Variants in ZNF774 observed in about 807,000 individuals in gnomAD.
The protein encoded by ZNF774 is zinc finger protein 774.
In ZNF774, 14 loss-of-function variants were observed where a neutral mutation model predicts 11.1. The observed-to-expected ratio is 1.26, with a 90% CI of 0.83 to 1.97. ZNF774 has a LOEUF of 1.97. Ranked by LOEUF, ZNF774 falls within the 30% of genes most tolerant of loss-of-function variation. ZNF774 has a pLI of 0.00. For missense variants in ZNF774, 599 were observed against 587.0 expected (o/e 1.02, Z -0.21); for synonymous variants, 195 against 212.6 (o/e 0.92, Z 0.72).
chr15:90,361,613 AC>A lies in ZNF774; in HGVS notation c.*332del. 1.2e-6 allele frequency: 1 copy of A among 825,092 alleles called. No homozygotes were observed. The allele number at this position is 825,092 out of a possible 1,614,324, so 51.1% of individuals were successfully genotyped here. A position where few individuals can be genotyped will look rare whatever the true frequency, so the allele number is the denominator to read the frequency against. On this transcript the variant is annotated 3_prime_UTR_variant, in exon 4 of 4. Transcript: ENST00000354377. ...GGATCACTTGAGGTCAGGAGTTGAG[AC>A]CAGCCTGGTGAGCATGGTGAAACCT...
At chr15:90,353,108 C>T (rs1671530961) in intron 1 of ZNF774, among the ~76,000 whole-genome samples, 1 of 152,096 alleles carries the variant, frequency 6.6e-6, no homozygotes, top group African/African-American at 2.4e-5. Context: ...GTTGGGATTA[C>T]AGGCGTGTGC....
In ZNF774 at chr15:90,360,623, G is replaced by C; in HGVS notation, c.792G>C (p.Ala264=). 1.2e-6 allele frequency: 2 copies of C among 1,614,122 alleles called. No homozygotes were observed. The highest frequency in any genetic ancestry group is 1.7e-6 in the Non-Finnish European group (2 of 1,180,030). The part of the protein sequence containing the change: ...QRTHTGEKPY[A]CLECHKSFSR... Reference sequence around the variant, plus strand: ...CCCACACAGGCGAGAAGCCCTACGCGTGCCTGGAATGTCACAAAAGCTTCA... The same window carrying C: ...CCCACACAGGCGAGAAGCCCTACGCCTGCCTGGAATGTCACAAAAGCTTCA... The change falls in exon 4 of 4, where the codon GCG becomes GCC. Residue 264 remains alanine (A), a synonymous_variant. Coordinates refer to ENST00000354377, the MANE Select transcript of ZNF774 (RefSeq NM_001004309.3).
chr15:90,353,810 G>C (rs938191037), intron 1 of ZNF774, among the ~76,000 whole-genome samples: 4 of 152,002 alleles, frequency 2.6e-5, no homozygotes, highest in African/African-American at 9.7e-5. Flanking sequence ...TGTTGCTGAG[G>C]CTGGTTTATT....
Position 90,362,249 on chromosome 15 carries a change from G to A in ZNF774, c.*966G>A, listed in dbSNP as rs151028963. 1.1e-4 allele frequency: 35 copies of A among 323,318 alleles called. No individual in the cohort carries two copies. Among genetic ancestry groups the A allele is most frequent in the African/African-American group, 6.4e-4 (31 of 48,330 alleles). 20.0% of individuals were successfully genotyped at this position (323,318 alleles called of 1,614,324 possible). A position where few individuals can be genotyped will look rare whatever the true frequency, so the allele number is the denominator to read the frequency against. On this transcript the variant is annotated 3_prime_UTR_variant, in exon 4 of 4. Coordinates refer to ENST00000354377, the MANE Select transcript of ZNF774 (RefSeq NM_001004309.3). ...CCAAATTATCGTAGAGGATGTTTGC[G>A]GTCTTGTGACTTGGAGGCTGAAAGA...
At chr15:90,356,510 A>G (rs141986940) in intron 2 of ZNF774, among the ~76,000 whole-genome samples, 111 of 152,290 alleles carry the variant, frequency 7.3e-4, no homozygotes, top group African/African-American at 2.6e-3. Flanking sequence ...TTCATCTATT[A>G]TACAAGTAAT....
intron 2 of ZNF774, among the ~76,000 whole-genome samples, chr15:90,357,867 C>T (rs1449845195): frequency 6.6e-6 from 1 of 151,842 alleles, no homozygotes; most frequent in East Asian, 1.9e-4. Flanking sequence ...AGCTACTGCA[C>T]CTGGCCAATG....
chr15:90,361,092 C>T lies in ZNF774; in HGVS notation c.1261C>T (p.His421Tyr). ...SFNQSSHFIT[H>Y]QRIHLGDRPY... ...CAATCAGAGCTCCCACTTTATTACC[C>T]ATCAGCGAATCCACTTAGGAGACAG... The change falls in exon 4 of 4, where the codon CAT becomes TAT. Residue 421 changes from histidine to tyrosine, a missense_variant. Physicochemically the swap from His to Tyr is moderately conservative, Grantham distance 83. Transcript: ENST00000354377. 6.2e-7 allele frequency: 1 copy of T among 1,614,170 alleles called. No homozygotes were observed. Among genetic ancestry groups the T allele is most frequent in the East Asian group, 2.2e-5 (1 of 44,886 alleles).
At position 90,360,578 on chromosome 15, in the gene ZNF774, C is replaced by A; in HGVS notation, c.747C>A (p.His249Gln). The change falls in exon 4 of 4, where the codon CAC becomes CAA. Residue 249 changes from histidine to glutamine, a missense_variant. His to Gln is a conservative substitution (Grantham distance 24). Coordinates refer to ENST00000354377, the MANE Select transcript of ZNF774 (RefSeq NM_001004309.3). ...GAAAGACTTTTGGGCGGAAGCCACA[C>A]CTCATAATGCACCAAAGAACCCACA... Reference protein sequence around the residue: ...ECGKTFGRKPHLIMHQRTHTG... With the variant: ...ECGKTFGRKPQLIMHQRTHTG... The A allele has an allele frequency of 6.2e-7, 1 of 1,612,634 alleles. No homozygotes were observed. The highest frequency in any genetic ancestry group is 8.5e-7 in the Non-Finnish European group (1 of 1,179,650).
chr15:90,360,583 T>C lies in ZNF774; in HGVS notation c.752T>C (p.Ile251Thr). Residue 251 changes from isoleucine (I) to threonine (T), a missense_variant, in exon 4 of 4, where the codon ATA becomes ACA. Ile to Thr is a moderately conservative substitution (Grantham distance 89). Transcript: ENST00000354377. ...GKTFGRKPHL[I>T]MHQRTHTGEK... is the part of the protein sequence containing the mutation. ...ACTTTTGGGCGGAAGCCACACCTCA[T>C]AATGCACCAAAGAACCCACACAGGC... The C allele has an allele frequency of 6.2e-7, 1 of 1,614,074 alleles. No homozygotes were observed. The highest frequency in any genetic ancestry group is 1.1e-5 in the South Asian group (1 of 91,080).
chr15:90,357,168 T>C (rs1964260224), intron 2 of ZNF774, among the ~76,000 whole-genome samples: 1 of 152,256 alleles, frequency 6.6e-6, no homozygotes, highest in Non-Finnish European at 1.5e-5. Context: ...TATATGAAAG[T>C]GCGCATTTCT....
At position 90,354,395 on chromosome 15, in the gene ZNF774, A is replaced by T. The variant is rs1342913948; in HGVS notation, c.-19-247A>T. On this transcript the variant is annotated intron_variant, in intron 1 of 3. Coordinates refer to ENST00000354377, the MANE Select transcript of ZNF774 (RefSeq NM_001004309.3). ...CTCAAAAAGTCAATGTGTCTAAAAG[A>T]CTGGGTTCTGTCGATGTGTTTGGGA... is the stretch of plus-strand genomic sequence containing the variant. 2.0e-5 allele frequency among the ~76,000 whole-genome samples: 3 copies of T among 152,174 alleles called. No individual in the cohort carries two copies. The East Asian group carries it at 5.8e-4, about 29-fold the overall frequency.
intron 1 of ZNF774, among the ~76,000 whole-genome samples, chr15:90,352,859 G>C (rs1325617098): frequency 2.0e-5 from 3 of 152,118 alleles, no homozygotes; most frequent in Non-Finnish European, 4.4e-5. Flanking sequence ...GGGAAACAGG[G>C]TTTCTATAAC....
chr15:90,352,473 G>A (rs918771431), intron 1 of ZNF774, 62 bp downstream of exon 1: 5 of 152,464 alleles, frequency 3.3e-5, no homozygotes, highest in Non-Finnish European at 7.3e-5. Flanking sequence ...GCGTGGAGGG[G>A]GCTTGCCCGC....
chr15:90,354,027 A>T (rs1964209885), intron 1 of ZNF774, among the ~76,000 whole-genome samples: 1 of 138,410 alleles, frequency 7.2e-6, no homozygotes, highest in African/African-American at 3.0e-5. Flanking sequence ...TTTTGTGCTT[A>T]TTCCCACTTT....
At chr15:90,358,738 G>A (rs1481296713) in intron 2 of ZNF774, 113 bp from the exon 3 acceptor site, 4 of 699,756 alleles carry the variant, frequency 5.7e-6, no homozygotes, top group East Asian at 3.0e-5. Flanking sequence ...CCAAATACAC[G>A]TTAGAGCTCC....
rs1964354856 is a variant in ZNF774, at chr15:90,362,785, A to T, written c.*1502A>T. The T allele has an allele frequency of 1.3e-5, 6 of 460,684 alleles. No homozygotes were observed. Among genetic ancestry groups the T allele is most frequent in the East Asian group, 7.4e-5 (2 of 27,016 alleles). The allele number at this position is 460,684 out of a possible 1,614,324, so 28.5% of individuals were successfully genotyped here. The stretch of plus-strand genomic sequence containing the variant: ...CACACACACACACACACACACACAC[A>T]CTTTGTTGGTTAACTATAAATGTAA... On this transcript the variant is annotated 3_prime_UTR_variant, in exon 4 of 4. Coordinates refer to ENST00000354377, the MANE Select transcript of ZNF774 (RefSeq NM_001004309.3).
Position 90,360,215 on chromosome 15 carries a change from C to G in ZNF774, c.384C>G (p.Gly128=), listed in dbSNP as rs941566852. ...AACATGGAACCCTTCCAGGAGAGGG[C>G]CAGCTGGAGTCCTTTTCACAGGAGA... The part of the protein sequence containing the change: ...EGQHGTLPGE[G]QLESFSQERD... Residue 128 remains glycine, a synonymous_variant, in exon 4 of 4, where the codon GGC becomes GGG. Coordinates refer to ENST00000354377, the MANE Select transcript of ZNF774 (RefSeq NM_001004309.3). The G allele has an allele frequency of 6.2e-7, 1 of 1,614,030 alleles. No homozygotes were observed.
intron 2 of ZNF774, among the ~76,000 whole-genome samples, 175 bp downstream of exon 2, chr15:90,354,939 C>A (rs1189292839): frequency 6.6e-6 from 1 of 152,146 alleles, no homozygotes; most frequent in Non-Finnish European, 1.5e-5. Context: ...CGATCACAGG[C>A]ATGTGCCACC....
At chr15:90,354,940 A>G (rs945479360) in intron 2 of ZNF774, among the ~76,000 whole-genome samples, 176 bp downstream of exon 2, 1 of 152,102 alleles carries the variant, frequency 6.6e-6, no homozygotes, top group Non-Finnish European at 1.5e-5. Context: ...GATCACAGGC[A>G]TGTGCCACCA....
Sources: allele counts gnomAD v4.1 joint callset (sites outside exome capture counted in the v4.1 genomes callset), GRCh38; gene constraint gnomAD v4.1.1; transcripts MANE v1.5; gene names NCBI Gene and HGNC (gene_info 2026-07-23, HGNC 2026-07-21).